Variants in SLC8A1 observed in about 807,000 individuals in gnomAD.
SLC8A1 encodes solute carrier family 8 member A1, also known as sodium/calcium exchanger 1.
SLC8A1 carries 18 observed loss-of-function variants against 68.3 expected under a neutral mutation model. The observed-to-expected ratio is 0.26, with a 90% confidence interval of 0.18 to 0.39. SLC8A1 has a LOEUF of 0.39. SLC8A1 is among the 10% of genes least tolerant of loss of function. SLC8A1 has a pLI of 1.00. For synonymous variants in SLC8A1, 475 were observed against 415.5 expected, an observed-to-expected ratio of 1.14 and a Z score of -1.74; for missense variants, 985 against 1,156.7, an observed-to-expected ratio of 0.85 and a Z score of 2.15.
At chr2:40,391,214 G>A (rs1170051234) in intron 2 of SLC8A1, among the ~76,000 whole-genome samples, 3 of 46,914 alleles carry the variant, frequency 6.4e-5, no homozygotes, top group Non-Finnish European at 1.2e-4. Context: ...ATGTCTGTGT[G>A]TATGTGTGTG....
At chr2:40,306,275 G>C (rs531946092) in intron 2 of SLC8A1, among the ~76,000 whole-genome samples, 31 of 152,178 alleles carry the variant, frequency 2.0e-4, no homozygotes, top group Admixed American at 1.5e-3. Flanking sequence ...GCTGAGAAAA[G>C]AAATAATGTC....
chr2:40,285,073 C>T, intron 2 of SLC8A1, among the ~76,000 whole-genome samples: 1 of 152,106 alleles, frequency 6.6e-6, no homozygotes, highest in East Asian at 1.9e-4. Flanking sequence ...ACTCCAGGAA[C>T]AGAGAGATGG....
intron 2 of SLC8A1, among the ~76,000 whole-genome samples, chr2:40,237,719 T>TC (rs940345143): frequency 4.6e-5 from 7 of 152,108 alleles, no homozygotes; most frequent in Admixed American, 4.6e-4. Flanking sequence ...TTCTGTTTTT[T>TC]CCCCATCTTT....
At chr2:40,200,110 C>T (rs567525654) in intron 2 of SLC8A1, among the ~76,000 whole-genome samples, 2 of 133,094 alleles carry the variant, frequency 1.5e-5, no homozygotes, top group East Asian at 4.5e-4. Flanking sequence ...AAGGCATTCA[C>T]TAGCTGGCTT....
At chr2:40,341,270 T>C (rs28597693) in intron 2 of SLC8A1, among the ~76,000 whole-genome samples, 37,971 of 152,074 alleles carry the variant, frequency 0.25, 8,331 homozygotes, top group African/African-American at 0.59. Context: ...CACTAATGAG[T>C]ATTTTCAAAT....
intron 2 of SLC8A1, among the ~76,000 whole-genome samples, chr2:40,344,028 C>T (rs184995624): frequency 5.9e-5 from 9 of 151,976 alleles, no homozygotes; most frequent in South Asian, 2.1e-4. Flanking sequence ...AGAGTGTGTA[C>T]GATGGCAATA....
At chr2:40,202,401 A>G (rs1240359524) in intron 2 of SLC8A1, among the ~76,000 whole-genome samples, 1 of 151,936 alleles carries the variant, frequency 6.6e-6, no homozygotes, top group Non-Finnish European at 1.5e-5. Context: ...GTAAATTCAC[A>G]TGGTATAGAT....
intron 2 of SLC8A1, among the ~76,000 whole-genome samples, chr2:40,279,261 G>T (rs1028685696): frequency 6.6e-6 from 1 of 152,068 alleles, no homozygotes; most frequent in Non-Finnish European, 1.5e-5. Flanking sequence ...CAATTTTCTG[G>T]CTCCCTTATA....
chr2:40,312,683 G>T (rs554603355), intron 2 of SLC8A1, among the ~76,000 whole-genome samples: 1 of 152,042 alleles, frequency 6.6e-6, no homozygotes, highest in Non-Finnish European at 1.5e-5. Context: ...TACAAGATAA[G>T]ATTGCATACC....
chr2:40,326,501 A>T (rs573802022), intron 2 of SLC8A1, among the ~76,000 whole-genome samples: 1 of 152,128 alleles, frequency 6.6e-6, no homozygotes, highest in Non-Finnish European at 1.5e-5. Flanking sequence ...TACTGTTAAA[A>T]ACCTTTCTTC....
At chr2:40,485,073 T>C (rs1413268256) in intron 1 of SLC8A1, among the ~76,000 whole-genome samples, 1 of 152,142 alleles carries the variant, frequency 6.6e-6, no homozygotes, top group Non-Finnish European at 1.5e-5. Flanking sequence ...CTATTGCTTC[T>C]TTCCCTTCCC....
rs1258605439 is a variant in SLC8A1, at chr2:40,204,245, A to G, written c.1809-26390T>C. Among the ~76,000 whole-genome samples the G allele has an allele frequency of 2.0e-5, 3 of 152,144 alleles. No individual in the cohort carries two copies. In the East Asian group the frequency reaches 5.8e-4, roughly 30 times the overall value. ...ATTGCTTTAGACTGCTACTTACTTT[A>G]AAAGAATTGTGAGATTACTCTAGGT... is the stretch of plus-strand genomic sequence containing the variant. On this transcript the variant is annotated intron_variant, in intron 2 of 7. Transcript: ENST00000406785.
chr2:40,360,672 G>C (rs933070640), intron 2 of SLC8A1, among the ~76,000 whole-genome samples: 1 of 152,102 alleles, frequency 6.6e-6, no homozygotes, highest in Non-Finnish European at 1.5e-5. Flanking sequence ...ACTTGCCCAA[G>C]GTCACATAGC....
chr2:40,406,050 A>G (rs1327957189), intron 2 of SLC8A1, among the ~76,000 whole-genome samples: 1 of 151,966 alleles, frequency 6.6e-6, no homozygotes, highest in African/African-American at 2.4e-5. Context: ...ATAGCACTGA[A>G]CTCCCAAATT....
chr2:40,496,429 G>C (rs1411507276), intron 1 of SLC8A1, among the ~76,000 whole-genome samples: 1 of 152,064 alleles, frequency 6.6e-6, no homozygotes, highest in East Asian at 1.9e-4. Flanking sequence ...ATCAAGATCT[G>C]AATAATGTTG....
In SLC8A1 at chr2:40,292,567, T is replaced by C. The variant is rs115700032; in HGVS notation, c.1809-114712A>G. ...GACAAATCTATCCCAGGAAGGCTCATTTCAGAATATAATACAGTGTGGATT... is the reference window on the plus strand; with the variant it reads ...GACAAATCTATCCCAGGAAGGCTCACTTCAGAATATAATACAGTGTGGATT... On this transcript the variant is annotated intron_variant, in intron 2 of 7. Coordinates refer to ENST00000406785, the Ensembl canonical transcript of SLC8A1. Among the ~76,000 whole-genome samples the C allele has an allele frequency of 8.9e-3, 1,350 of 152,280 alleles. 21 individuals carry two copies. Among genetic ancestry groups the C allele is most frequent in the African/African-American group, 0.031 (1,295 of 41,550 alleles).
intron 2 of SLC8A1, among the ~76,000 whole-genome samples, chr2:40,357,066 G>A (rs763532758): frequency 1.9e-4 from 29 of 152,152 alleles, no homozygotes; most frequent in South Asian, 4.1e-4. Context: ...GAACTTTTAC[G>A]AATGTAGATA....
chr2:40,486,680 G>A (rs1351343364), intron 1 of SLC8A1, among the ~76,000 whole-genome samples: 1 of 151,528 alleles, frequency 6.6e-6, no homozygotes. Context: ...ATGTTAATGA[G>A]GTTTCCTATT....
intron 6 of SLC8A1, among the ~76,000 whole-genome samples, chr2:40,155,282 AC>A (rs2044265280): frequency 1.3e-5 from 2 of 152,082 alleles, no homozygotes; most frequent in East Asian, 1.9e-4. Context: ...GGCACCCGCC[AC>A]CACGCCTGGC....
Sources: allele counts gnomAD v4.1 joint callset (sites outside exome capture counted in the v4.1 genomes callset), GRCh38; gene constraint gnomAD v4.1.1; transcripts MANE v1.5; gene names NCBI Gene and HGNC (gene_info 2026-07-23, HGNC 2026-07-21).